The following PHKA1 variants were observed in gnomAD, a reference collection of about 807,000 sequenced individuals.
PHKA1 encodes phosphorylase b kinase regulatory subunit alpha, skeletal muscle isoform.
PHKA1 carries 60 observed loss-of-function variants against 110.2 expected under a neutral mutation model. The ratio of observed to expected loss-of-function variants is 0.54; its 90% CI spans 0.44 to 0.68. The LOEUF (loss-of-function observed/expected upper bound fraction) is 0.68, where lower values mean the gene tolerates loss of function less well. Ranked by LOEUF, PHKA1 falls within the 30% of genes least tolerant of loss-of-function variation. The probability of loss-of-function intolerance (pLI) is 0.00; values close to 1 mark genes in which losing one functional copy is unlikely to be tolerated. For missense variants in PHKA1, 801 were observed against 942.5 expected, an observed-to-expected ratio of 0.85 and a Z score of 1.97; for synonymous variants, 316 against 333.6, an observed-to-expected ratio of 0.95 and a Z score of 0.58.
chrX:72,650,933 T>C (rs782529146), intron 12 of PHKA1, among the ~76,000 whole-genome samples: 1 of 111,820 alleles, frequency 8.9e-6, no homozygotes, highest in Admixed American at 9.4e-5. Flanking sequence ...TTGCCCAGGC[T>C]GGTCTCCTGG....
rs1420841002 is a variant in PHKA1 at position 72,620,727 on chromosome X, T to C, written c.2135A>G (p.Gln712Arg). The change falls in exon 19 of 32, where the codon CAG (glutamine) becomes CGG (arginine). Residue 712 changes from glutamine (Q) to arginine (R), a missense_variant and splice_region_variant. Physicochemically the swap from Gln to Arg is conservative, Grantham distance 43. This residue lies in a region of PHKA1 where 502 missense variants were observed against 519.2 expected (regional missense o/e 0.97). Coordinates refer to ENST00000373542, the MANE Select transcript of PHKA1 (RefSeq NM_002637.4). Reference protein sequence around the residue: ...LVTKAKELHVQNVHMYLPTKL... With the variant: ...LVTKAKELHVRNVHMYLPTKL... ...TGGTGAGTCACGGCATTACTCACTC[T>C]GTACATGCAGTTCCTTGGCCTTGGT... The C allele has an allele frequency of 8.3e-7, 1 of 1,203,945 alleles. No homozygotes were observed. Among genetic ancestry groups the C allele is most frequent in the African/African-American group, 1.8e-5 (1 of 56,866 alleles).
At chrX:72,650,204 T>C (rs782234035) in intron 13 of PHKA1, among the ~76,000 whole-genome samples, 186 bp downstream of exon 13, 1 of 111,798 alleles carries the variant, frequency 8.9e-6, no homozygotes, top group African/African-American at 3.3e-5. Flanking sequence ...TAGAACATCA[T>C]TCATTTGTTT....
At chrX:72,624,063 T>A (rs1239704269) in intron 17 of PHKA1, among the ~76,000 whole-genome samples, 1 of 111,667 alleles carries the variant, frequency 9.0e-6, no homozygotes, top group Non-Finnish European at 1.9e-5. Context: ...CTAATACGAT[T>A]TGATCAAAGA....
At chrX:72,705,734 A>T (rs1351816289) in intron 2 of PHKA1, among the ~76,000 whole-genome samples, 1 of 112,160 alleles carries the variant, frequency 8.9e-6, no homozygotes, top group Non-Finnish European at 1.9e-5. Context: ...TATAAAGGGG[A>T]TCTGTTCATT....
chrX:72,591,172 T>C (rs1556224402), intron 29 of PHKA1, among the ~76,000 whole-genome samples: 1 of 112,062 alleles, frequency 8.9e-6, no homozygotes, highest in Non-Finnish European at 1.9e-5. Context: ...CAAATGCCCA[T>C]CAATGATAGA....
chrX:72,582,418 C>A lies in PHKA1; in HGVS notation c.3478G>T (p.Asp1160Tyr), dbSNP rs782289058. The A allele has an allele frequency of 8.3e-7, 1 of 1,200,800 alleles. No individual in the cohort carries two copies. The highest frequency in any genetic ancestry group is 1.7e-5 in the African/African-American group (1 of 57,594). ...CCTACCTGTTCTTGAAGGAACAAGT[C>A]ATTGGCAATATGCACTATTTTTTCC... ...AVEKIVHIAN[D>Y]LFLQEQKTLG... is the part of the protein sequence containing the mutation. The change falls in exon 31 of 32, where the codon GAC becomes TAC. Residue 1160 changes from aspartate to tyrosine, a missense_variant. This residue lies in a region of PHKA1 where 502 missense variants were observed against 519.2 expected (regional missense o/e 0.97). Coordinates refer to ENST00000373542, the MANE Select transcript of PHKA1 (RefSeq NM_002637.4).
chrX:72,592,139 CATA>C (rs1163759380), intron 29 of PHKA1, among the ~76,000 whole-genome samples: 3 of 112,241 alleles, frequency 2.7e-5, no homozygotes, highest in African/African-American at 9.7e-5. Flanking sequence ...AGAACATTGC[CATA>C]ATCCATGCAT....
chrX:72,649,860 T>C (rs2053406668), intron 13 of PHKA1, among the ~76,000 whole-genome samples: 1 of 109,507 alleles, frequency 9.1e-6, no homozygotes, highest in Non-Finnish European at 1.9e-5. Context: ...GGCGTGGTGG[T>C]GCGCGACTGT....
At chrX:72,672,209 C>A (rs1179915386) in intron 6 of PHKA1, among the ~76,000 whole-genome samples, 3 of 111,760 alleles carry the variant, frequency 2.7e-5, no homozygotes, top group Admixed American at 9.5e-5. Flanking sequence ...CCAAGGCAGT[C>A]CTGGGCACAG....
chrX:72,657,602 T>A lies in PHKA1; in HGVS notation c.904A>T (p.Lys302Ter). The change falls in exon 9 of 32, where the codon AAA becomes TAA. Residue 302 changes from lysine to a stop codon, truncating the protein, a stop_gained. Coordinates refer to ENST00000373542, the MANE Select transcript of PHKA1 (RefSeq NM_002637.4). LOFTEE classifies it high-confidence loss of function. ...GCCRFLRDGY[K>*]TPKEDPNRLY... ...AAGAAACCTACCTCTTTAGGAGTTT[T>A]ATATCCATCTCGTAGAAAGCGACAG... The A allele has an allele frequency of 1.7e-6, 2 of 1,208,708 alleles. No homozygotes were observed. The highest frequency in any genetic ancestry group is 2.2e-6 in the Non-Finnish European group (2 of 892,972).
intron 1 of PHKA1, 145 bp from the exon 2 acceptor site, chrX:72,713,082 C>T (rs2054407444): frequency 3.5e-6 from 2 of 567,763 alleles, no homozygotes; most frequent in East Asian, 7.2e-5. Flanking sequence ...TTCTTCTGAC[C>T]TATTGCAGGC....
intron 18 of PHKA1, chrX:72,622,012 A>G (rs1439944004): frequency 1.3e-6 from 1 of 747,014 alleles, no homozygotes; most frequent in Admixed American, 8.8e-5. Flanking sequence ...AGAGCAAACA[A>G]TCTCAATATA....
chrX:72,695,544 C>A (rs2054096095), intron 4 of PHKA1, among the ~76,000 whole-genome samples, 164 bp downstream of exon 4: 1 of 111,283 alleles, frequency 9.0e-6, no homozygotes, highest in Non-Finnish European at 1.9e-5. Context: ...TGAAACCTAG[C>A]CCTTCTTTGC....
intron 24 of PHKA1, 28 bp from the exon 25 acceptor site, chrX:72,605,428 A>T (rs2052714574): frequency 8.3e-7 from 1 of 1,202,315 alleles, no homozygotes; most frequent in Middle Eastern, 2.3e-4. Flanking sequence ...ATAGACAAAA[A>T]TAATGGCCTA....
intron 3 of PHKA1, among the ~76,000 whole-genome samples, chrX:72,703,622 G>A (rs2054236509): frequency 9.0e-6 from 1 of 111,719 alleles, no homozygotes; most frequent in African/African-American, 3.3e-5. Context: ...CAAGGCTGCA[G>A]TGAGTGAGCT....
intron 26 of PHKA1, 63 bp from the exon 27 acceptor site, chrX:72,602,336 CA>C: frequency 1.4e-6 from 1 of 695,088 alleles, no homozygotes; most frequent in East Asian, 3.4e-5. Context: ...TCTTCCCCAT[CA>C]CATTTAAAAA....
intron 25 of PHKA1, among the ~76,000 whole-genome samples, chrX:72,603,641 A>C (rs1183489464): frequency 3.6e-5 from 4 of 111,614 alleles, no homozygotes; most frequent in Non-Finnish European, 7.5e-5. Flanking sequence ...ATAGATTTGA[A>C]TCCATGAAAT....
rs1215802401 is a variant in PHKA1, at chrX:72,622,640, C to T, written c.1960+469G>A. 3 of 751,234 alleles carry T rather than the reference C, an allele frequency of 4.0e-6. No homozygotes were observed. In the African/African-American group the frequency reaches 6.9e-5, roughly 17 times the overall value. The allele number at this position is 751,234 out of a possible 1,213,427, so 61.9% of individuals were successfully genotyped here. A position where few individuals can be genotyped will look rare whatever the true frequency, so the allele number is the denominator to read the frequency against. On this transcript the variant is annotated intron_variant, in intron 18 of 31. Transcript: ENST00000373542. ...TTGTACTATGAAAATAACAGACATA[C>T]TGAATAGGCTTTTTCAAACTACACA...
chrX:72,687,283 T>C (rs1911883955), intron 4 of PHKA1, among the ~76,000 whole-genome samples: 1 of 111,699 alleles, frequency 9.0e-6, no homozygotes, highest in Non-Finnish European at 1.9e-5. Flanking sequence ...ATGCACCATC[T>C]GTATAATATT....
Sources: allele counts gnomAD v4.1 joint callset (sites outside exome capture counted in the v4.1 genomes callset), GRCh38; gene constraint gnomAD v4.1.1; regional missense constraint gnomAD v4.1.1; transcripts MANE v1.5; gene names NCBI Gene and HGNC (gene_info 2026-07-23, HGNC 2026-07-21).